Variants in CUX1 observed in about 807,000 individuals in gnomAD.
The protein encoded by CUX1 is protein CASP.
In CUX1, 31 loss-of-function variants were observed where a neutral mutation model predicts 158.8. The observed-to-expected ratio is 0.20, with a 90% CI of 0.15 to 0.26. CUX1 has a LOEUF of 0.26. Among genes scored for constraint, CUX1 ranks in the 10% least tolerant of loss-of-function variants. The probability of loss-of-function intolerance (pLI) is 1.00; values close to 1 mark genes in which losing one functional copy is unlikely to be tolerated. For synonymous variants in CUX1, 879 were observed against 862.1 expected (o/e 1.02, Z -0.34); for missense variants, 1,589 against 2,014.6 (o/e 0.79, Z 4.04).
intron 8 of CUX1, among the ~76,000 whole-genome samples, chr7:102,143,017 G>A (rs1834630644): frequency 6.6e-6 from 1 of 152,208 alleles, no homozygotes; most frequent in Admixed American, 6.5e-5. Context: ...CGTGATTCCT[G>A]GCACAGTTGG....
At chr7:102,103,174 A>G (rs1829964897) in intron 5 of CUX1, among the ~76,000 whole-genome samples, 1 of 152,098 alleles carries the variant, frequency 6.6e-6, no homozygotes, top group Admixed American at 6.5e-5. Context: ...CCTCCAGGCC[A>G]CATGCCAGTC....
intron 8 of CUX1, among the ~76,000 whole-genome samples, chr7:102,157,119 A>G (rs1217577957): frequency 6.6e-6 from 1 of 152,162 alleles, no homozygotes; most frequent in Non-Finnish European, 1.5e-5. Flanking sequence ...TTGTTAGAGC[A>G]CAGGGTCCTG....
At chr7:101,926,549 C>G (rs1460256283) in intron 2 of CUX1, among the ~76,000 whole-genome samples, 1 of 152,132 alleles carries the variant, frequency 6.6e-6, no homozygotes, top group East Asian at 1.9e-4. Context: ...TTTGCTCCAA[C>G]AGCATTAATA....
At chr7:102,145,159 T>G (rs542135611) in intron 8 of CUX1, among the ~76,000 whole-genome samples, 11 of 151,962 alleles carry the variant, frequency 7.2e-5, no homozygotes, top group South Asian at 2.1e-4. Flanking sequence ...GGCTGGTGTA[T>G]CTTTAAGTCT....
rs981604013 is a variant in CUX1, at chr7:102,083,821, C to A, written c.268+13404C>A. On this transcript the variant is annotated intron_variant, in intron 4 of 23. Transcript: ENST00000292535. ...GGCACAGATTATGTTCAGTTTATTT[C>A]TAAGTTTAAGTCATGTTTTTGAATG... 5.5e-5 allele frequency among the ~76,000 whole-genome samples: 8 copies of A among 146,686 alleles called. 2 individuals are homozygous for A. The highest frequency in any genetic ancestry group is 9.2e-5 in the Non-Finnish European group (6 of 65,046).
chr7:101,818,342 CATT>C (rs1056862841), intron 1 of CUX1, among the ~76,000 whole-genome samples: 2 of 150,824 alleles, frequency 1.3e-5, no homozygotes, highest in African/African-American at 4.8e-5. Flanking sequence ...TAAGGACAAA[CATT>C]ATTATTATTT....
chr7:102,206,868 T>C (rs539529034), intron 20 of CUX1, among the ~76,000 whole-genome samples: 43 of 152,176 alleles, frequency 2.8e-4, no homozygotes, highest in Middle Eastern at 3.4e-3. Context: ...CACTGCACTC[T>C]AGCCTGGGCA....
intron 15 of CUX1, chr7:102,273,567 C>A (rs1791389154): frequency 6.6e-7 from 1 of 1,523,748 alleles, no homozygotes; most frequent in Non-Finnish European, 8.9e-7. Context: ...ACACTGACTT[C>A]CCAGATTAGC....
At position 101,817,721 on chromosome 7, in the gene CUX1, G is replaced by A. The variant is rs921313308; in HGVS notation, c.30+52G>A. On this transcript the variant is annotated intron_variant, in intron 1 of 23. Coordinates refer to ENST00000292535, the MANE Select transcript of CUX1 (RefSeq NM_181552.4). This position sits in a 1 kb window ranked among gnomAD's most constrained non-coding sequence, Gnocchi z 4.1. ...CGAGGTTGCAGGCGCGGAGGGAACC[G>A]GGGATGTCGGGGGGTGCCCGGGTCC... 3.9e-6 allele frequency: 6 copies of A among 1,542,242 alleles called. No individual in the cohort carries two copies. The highest frequency in any genetic ancestry group is 2.0e-5 in the Admixed American group (1 of 50,594).
chr7:101,988,458 C>T (rs1303008347), intron 2 of CUX1, among the ~76,000 whole-genome samples: 1 of 152,154 alleles, frequency 6.6e-6, no homozygotes, highest in Non-Finnish European at 1.5e-5. Flanking sequence ...TCTGCGCCAG[C>T]TCTTCCTCTT....
chr7:101,996,981 G>T (rs184101605), intron 2 of CUX1, among the ~76,000 whole-genome samples: 110 of 151,712 alleles, frequency 7.3e-4, no homozygotes, highest in Non-Finnish European at 3.5e-4. Context: ...CCCTGCGCTC[G>T]TGTGCACTCC....
At chr7:101,847,587 G>A (rs1478603526) in intron 1 of CUX1, among the ~76,000 whole-genome samples, 2 of 152,124 alleles carry the variant, frequency 1.3e-5, no homozygotes, top group Non-Finnish European at 2.9e-5. Flanking sequence ...GTATGGCAGT[G>A]CCTGATGTAC....
rs782733759 is a variant in CUX1, at chr7:102,104,399, C to A, written c.470C>A (p.Ala157Asp). The change falls in exon 6 of 24, where the codon GCC becomes GAC. Residue 157 changes from alanine to aspartate, a missense_variant. Coordinates refer to ENST00000292535, the MANE Select transcript of CUX1 (RefSeq NM_181552.4). ...REYEQTLKNQ[A>D]ETIALEKEQK... is the part of the protein sequence containing the mutation. Reference sequence around the variant, plus strand: ...TATGAACAGACACTGAAGAACCAAGCCGAAACCATAGCTCTTGAGAAGGAA... The same window carrying A: ...TATGAACAGACACTGAAGAACCAAGACGAAACCATAGCTCTTGAGAAGGAA... 42 of 1,612,552 alleles carry A rather than the reference C, an allele frequency of 2.6e-5. 1 individual carries two copies. The South Asian group carries it at 4.5e-4, about 17-fold the overall frequency.
chr7:102,183,337 TA>T (rs1793312475), intron 11 of CUX1, among the ~76,000 whole-genome samples: 1 of 151,848 alleles, frequency 6.6e-6, no homozygotes, highest in African/African-American at 2.4e-5. Context: ...TTTTTTTTTT[TA>T]ATGAGCCAGA....
chr7:102,124,468 A>T (rs899235403), intron 8 of CUX1, among the ~76,000 whole-genome samples: 1 of 152,230 alleles, frequency 6.6e-6, no homozygotes, highest in Non-Finnish European at 1.5e-5. Flanking sequence ...GATGAAGAAA[A>T]TGTGTAGATC....
At chr7:102,193,059 C>G (rs180806865) in intron 12 of CUX1, among the ~76,000 whole-genome samples, 7 of 152,358 alleles carry the variant, frequency 4.6e-5, no homozygotes, top group African/African-American at 1.4e-4. Context: ...CTTCCCCAAC[C>G]TGGGGCTGCA....
At chr7:102,095,093 G>C (rs1829041306) in intron 4 of CUX1, among the ~76,000 whole-genome samples, 1 of 151,602 alleles carries the variant, frequency 6.6e-6, no homozygotes, top group Non-Finnish European at 1.5e-5. Context: ...TCGACCTCAA[G>C]GGCTCAAGGA....
intron 8 of CUX1, among the ~76,000 whole-genome samples, chr7:102,126,499 A>G (rs565591227): frequency 6.6e-6 from 1 of 152,078 alleles, no homozygotes; most frequent in African/African-American, 2.4e-5. Context: ...CTTTTTTTCT[A>G]TACAGATTGT....
chr7:102,198,769 T>A (rs1554519009), intron 15 of CUX1, 33 bp from the exon 16 acceptor site: 2 of 1,594,082 alleles, frequency 1.3e-6, no homozygotes, highest in South Asian at 1.1e-5. Flanking sequence ...TTCCCCTGAT[T>A]GTTTTGTTCT....
Sources: gnomAD v4.1 joint callset for allele counts (sites outside exome capture counted in the v4.1 genomes callset) on GRCh38, gnomAD v4.1.1 for gene constraint, Gnocchi (gnomAD v3.1) non-coding constraint, MANE v1.5 for transcripts, NCBI Gene and HGNC (gene_info 2026-07-23, HGNC 2026-07-21) for gene names.